B3GALNT2: variants seen among roughly 807,000 people sequenced by gnomAD.
The protein encoded by B3GALNT2 is UDP-GalNAc:beta-1,3-N-acetylgalactosaminyltransferase 2.
B3GALNT2 carries 53 observed loss-of-function variants against 61.1 expected under a neutral mutation model. The observed-to-expected ratio is 0.87, with a 90% CI of 0.70 to 1.09. B3GALNT2 has a LOEUF of 1.09. Ranked by LOEUF, B3GALNT2 falls within the 50% of genes least tolerant of loss-of-function variation. The pLI is 0.00. For missense variants in B3GALNT2, 544 were observed against 623.0 expected (o/e 0.87, Z 1.35); for synonymous variants, 223 against 237.4 (o/e 0.94, Z 0.56).
At chr1:235,486,399 A>G (rs903570494) in intron 3 of B3GALNT2, among the ~76,000 whole-genome samples, 6 of 152,252 alleles carry the variant, frequency 3.9e-5, no homozygotes, top group African/African-American at 7.2e-5. Flanking sequence ...ATTAAAAGCA[A>G]TAAGTCAATT....
downstream of B3GALNT2, among the ~76,000 whole-genome samples, chr1:235,443,546 C>CA (rs1468171101): frequency 3.3e-5 from 5 of 152,144 alleles, no homozygotes; most frequent in Admixed American, 3.3e-4. Flanking sequence ...CCTTGAATGG[C>CA]ATAGCCTTTT....
At chr1:235,443,038 T>C (rs1682001381), downstream of B3GALNT2, 5 of 884,474 alleles carry the variant, frequency 5.7e-6, no homozygotes, top group Admixed American at 2.3e-5. Context: ...TTTTCATTAG[T>C]CTTTTATATT....
Position 235,476,849 on chromosome 1 carries a change from C to CA in B3GALNT2, c.651+3204dup, listed in dbSNP as rs1337555952. On this transcript the variant is annotated intron_variant, in intron 5 of 11. Transcript: ENST00000366600. ...TGGGTGACAGAGCAAAATGCTGTCTCAAAAAAAAAAAAAAGATATAAAAAA... is the reference window on the plus strand; with the variant it reads ...TGGGTGACAGAGCAAAATGCTGTCTCAAAAAAAAAAAAAAAGATATAAAAAA... Among the ~76,000 whole-genome samples, 884 of 120,906 alleles carry CA rather than the reference C, an allele frequency of 7.3e-3. 5 individuals are homozygous for CA. The highest frequency in any genetic ancestry group is 0.019 in the African/African-American group (622 of 32,528). The allele number at this position is 120,906 out of a possible 152,430, so 79.3% of individuals were successfully genotyped here.
At chr1:235,454,612 A>G (rs879445585) in intron 9 of B3GALNT2, among the ~76,000 whole-genome samples, 1 of 151,102 alleles carries the variant, frequency 6.6e-6, no homozygotes, top group Non-Finnish European at 1.5e-5. Flanking sequence ...CTAATTTTTT[A>G]TATTTTTAGT....
chr1:235,442,731 A>G (rs1681979377), downstream of B3GALNT2: 1 of 897,598 alleles, frequency 1.1e-6, no homozygotes, highest in Non-Finnish European at 1.8e-6. Context: ...TTAAACATTG[A>G]TTAGACCTGC....
At chr1:235,474,849 A>G (rs1163223774) in intron 5 of B3GALNT2, among the ~76,000 whole-genome samples, 1 of 150,916 alleles carries the variant, frequency 6.6e-6, no homozygotes, top group Non-Finnish European at 1.5e-5. Flanking sequence ...AATGCTAACA[A>G]TAACGTCGCT....
At chr1:235,502,167 T>A (rs970136122) in intron 1 of B3GALNT2, among the ~76,000 whole-genome samples, 4 of 152,124 alleles carry the variant, frequency 2.6e-5, no homozygotes, top group Admixed American at 2.6e-4. Context: ...CATGCACCAC[T>A]ATGCCCGGCT....
intron 5 of B3GALNT2, among the ~76,000 whole-genome samples, chr1:235,474,616 T>G (rs1022371783): frequency 6.6e-6 from 1 of 151,978 alleles, no homozygotes; most frequent in Non-Finnish European, 1.5e-5. Flanking sequence ...GGTCAGGAGT[T>G]CAAAACCAGC....
chr1:235,445,667 A>G (rs2102946427), downstream of B3GALNT2, among the ~76,000 whole-genome samples: 1 of 152,152 alleles, frequency 6.6e-6, no homozygotes, highest in East Asian at 1.9e-4. Flanking sequence ...AAACTGCAAT[A>G]TCTTTTTTTT....
At chr1:235,480,875 C>CCGCCTGG (rs1684527753) in intron 4 of B3GALNT2, among the ~76,000 whole-genome samples, 1 of 137,450 alleles carries the variant, frequency 7.3e-6, no homozygotes, top group African/African-American at 2.8e-5. Context: ...CACTGCACTC[C>CCGCCTGG]AGCCTGGACC....
chr1:235,484,174 G>A, intron 4 of B3GALNT2, 148 bp downstream of exon 4: 3 of 1,246,002 alleles, frequency 2.4e-6, no homozygotes, highest in Non-Finnish European at 3.1e-6. Context: ...ACACTACAGT[G>A]TATTTAGTCA....
In B3GALNT2 at chr1:235,470,929, T is replaced by C; in HGVS notation, c.683A>G (p.Gln228Arg). 1 of 1,614,108 alleles carries C rather than the reference T, an allele frequency of 6.2e-7. No homozygotes were observed. The highest frequency in any genetic ancestry group is 1.1e-5 in the South Asian group (1 of 91,064). Residue 228 changes from glutamine to arginine, a missense_variant, in exon 6 of 12, where the codon CAA (glutamine) becomes CGA (arginine). By Grantham distance (43) the Gln-to-Arg change is conservative (BLOSUM62 1). Coordinates refer to ENST00000366600, the MANE Select transcript of B3GALNT2 (RefSeq NM_152490.5). ...SFEGTIVWES[Q>R]DLHGLVSRNL... is the part of the protein sequence containing the mutation. The stretch of plus-strand genomic sequence containing the variant: ...TCTTGACACAAGGCCGTGGAGGTCT[T>C]GGCTCTCCCACACGATTGTACCTTC...
intron 6 of B3GALNT2, 80 bp from the exon 7 acceptor site, chr1:235,465,794 CATA>C (rs1244509656): frequency 1.3e-6 from 2 of 1,512,080 alleles, no homozygotes; most frequent in African/African-American, 1.4e-5. Context: ...TGACAAAAAT[CATA>C]ATATGACTCC....
At chr1:235,467,009 G>C (rs1683726736) in intron 6 of B3GALNT2, among the ~76,000 whole-genome samples, 1 of 152,170 alleles carries the variant, frequency 6.6e-6, no homozygotes, top group Non-Finnish European at 1.5e-5. Flanking sequence ...AAGGCCAGTA[G>C]AACAAGTAAT....
chr1:235,457,250 G>C (rs1022998570), intron 8 of B3GALNT2, among the ~76,000 whole-genome samples: 2 of 152,130 alleles, frequency 1.3e-5, no homozygotes, highest in Non-Finnish European at 2.9e-5. Flanking sequence ...TTCCCACTCT[G>C]CCTAGGGCAA....
At chr1:235,440,161 G>A in the B3GALNT2 span, among the ~76,000 whole-genome samples, 1 of 152,084 alleles carries the variant, frequency 6.6e-6, no homozygotes, top group Non-Finnish European at 1.5e-5. Flanking sequence ...TAGTAGGGAC[G>A]GGGTTTCACC....
chr1:235,465,779 C>G, intron 6 of B3GALNT2, 65 bp from the exon 7 acceptor site: 1 of 1,576,298 alleles, frequency 6.3e-7, no homozygotes, highest in Non-Finnish European at 8.7e-7. Context: ...ATTTTAAAAT[C>G]GATTTGACAA....
downstream of B3GALNT2, chr1:235,442,948 A>T (rs752741900): frequency 1.5e-4 from 238 of 1,607,862 alleles, no homozygotes; most frequent in Non-Finnish European, 2.0e-4. Flanking sequence ...TTAAACTCTG[A>T]ATCATCGGCC....
chr1:235,468,412 C>T, intron 6 of B3GALNT2, among the ~76,000 whole-genome samples: 1 of 139,708 alleles, frequency 7.2e-6, no homozygotes, highest in African/African-American at 2.6e-5. Flanking sequence ...TCATTTGAGT[C>T]TTTACATTTG....
Sources: gnomAD v4.1 joint callset for allele counts (sites outside exome capture counted in the v4.1 genomes callset) on GRCh38, gnomAD v4.1.1 for gene constraint, MANE v1.5 for transcripts, NCBI Gene and HGNC (gene_info 2026-07-23, HGNC 2026-07-21) for gene names.